SNX29: variants seen among roughly 807,000 people sequenced by gnomAD.
SNX29 encodes sorting nexin 29, also known as sorting nexin-29.
A neutral mutation model predicts 102.1 loss-of-function variants in SNX29; 78 were observed. The ratio of observed to expected loss-of-function variants is 0.76; its 90% CI spans 0.64 to 0.92. The LOEUF (loss-of-function observed/expected upper bound fraction) is 0.92. Ranked by LOEUF, SNX29 falls within the 40% of genes least tolerant of loss-of-function variation. The pLI, the probability that SNX29 is intolerant of heterozygous loss-of-function variation, is 0.00. For synonymous variants in SNX29, 580 were observed against 414.5 expected (o/e 1.40, Z -4.85); for missense variants, 1,280 against 1,061.7 (o/e 1.21, Z -2.86).
At chr16:12,329,595 T>C (rs2081234339) in intron 15 of SNX29, among the ~76,000 whole-genome samples, 1 of 152,226 alleles carries the variant, frequency 6.6e-6, no homozygotes, top group Admixed American at 6.5e-5. Flanking sequence ...TGGAGAGTGA[T>C]TTGTACCCCA....
intron 13 of SNX29, among the ~76,000 whole-genome samples, chr16:12,184,819 C>T (rs746659720): frequency 7.2e-5 from 11 of 152,240 alleles, no homozygotes; most frequent in Non-Finnish European, 1.5e-4. Context: ...AGACTAGCAG[C>T]AGTGACAGAC....
intron 16 of SNX29, among the ~76,000 whole-genome samples, chr16:12,382,599 T>TA (rs1368423191): frequency 6.6e-6 from 1 of 152,230 alleles, no homozygotes; most frequent in East Asian, 1.9e-4. Flanking sequence ...GTTAGTTTCT[T>TA]AGAGCTGCTG....
At position 12,483,114 on chromosome 16, in the gene SNX29, G is replaced by GTTTTTGTTTTT. The variant is rs71139598; in HGVS notation, c.2178+5260_2178+5261insGTTTTTTTTTT. 3.4e-3 allele frequency among the ~76,000 whole-genome samples: 228 copies of GTTTTTGTTTTT among 66,212 alleles called. 29 individuals carry two copies. Among genetic ancestry groups the GTTTTTGTTTTT allele is most frequent in the Middle Eastern group, 0.012 (1 of 82 alleles). The allele number at this position is 66,212 out of a possible 152,430, so 43.4% of individuals were successfully genotyped here. On this transcript the variant is annotated intron_variant, in intron 19 of 20. Transcript: ENST00000566228. The stretch of plus-strand genomic sequence containing the variant: ...AATAGATACATATTGAAGTTATTAA[G>GTTTTTGTTTTT]TTTTTTTTTTTTTTTTTTTTTTTTT...
intron 1 of SNX29, among the ~76,000 whole-genome samples, chr16:11,986,582 C>T (rs545985632): frequency 8.5e-5 from 13 of 152,296 alleles, no homozygotes; most frequent in South Asian, 4.1e-4. Flanking sequence ...CATGATAGCA[C>T]TTATCCACGT....
intron 17 of SNX29, among the ~76,000 whole-genome samples, chr16:12,398,792 A>G (rs1013503718): frequency 6.6e-6 from 1 of 151,990 alleles, no homozygotes; most frequent in African/African-American, 2.4e-5. Flanking sequence ...TTTAAAAATG[A>G]GACGCTTGTC....
intron 11 of SNX29, among the ~76,000 whole-genome samples, chr16:12,091,367 TGTG>T (rs898638786): frequency 3.3e-5 from 5 of 152,168 alleles, no homozygotes; most frequent in African/African-American, 1.2e-4. Flanking sequence ...TGAATGTTTG[TGTG>T]CCCCTAAAAT....
intron 14 of SNX29, among the ~76,000 whole-genome samples, chr16:12,246,456 T>C (rs2078262011): frequency 6.6e-6 from 1 of 152,000 alleles, no homozygotes; most frequent in Non-Finnish European, 1.5e-5. Flanking sequence ...GCCTGGCCAA[T>C]GTGGTGAAAC....
chr16:12,456,455 G>C (rs951536174), intron 18 of SNX29, among the ~76,000 whole-genome samples: 2 of 152,188 alleles, frequency 1.3e-5, no homozygotes, highest in African/African-American at 4.8e-5. Flanking sequence ...AATGATGGTA[G>C]AGGATAGTTT....
At chr16:12,469,826 C>G (rs1213481539) in intron 18 of SNX29, among the ~76,000 whole-genome samples, 5 of 152,146 alleles carry the variant, frequency 3.3e-5, no homozygotes, top group African/African-American at 9.7e-5. Context: ...GCCTGGCCAA[C>G]ATGGTGAAAC....
chr16:12,530,308 A>G (rs1162788942), intron 20 of SNX29, among the ~76,000 whole-genome samples: 1 of 152,224 alleles, frequency 6.6e-6, no homozygotes, highest in African/African-American at 2.4e-5. Flanking sequence ...TTGTACCAAC[A>G]GACAGGGAGC....
intron 1 of SNX29, among the ~76,000 whole-genome samples, chr16:11,996,747 T>C (rs2056088472): frequency 1.3e-5 from 2 of 152,136 alleles, no homozygotes; most frequent in Admixed American, 1.3e-4. Context: ...ATCCAAACCC[T>C]GGATTCTGAA....
chr16:12,251,669 C>T (rs866585236), intron 14 of SNX29, among the ~76,000 whole-genome samples: 25 of 152,302 alleles, frequency 1.6e-4, no homozygotes, highest in African/African-American at 6.0e-4. Context: ...TGCCATTGCA[C>T]TCCAGCCTGG....
At chr16:12,067,828 A>G (rs1020271275) in intron 9 of SNX29, among the ~76,000 whole-genome samples, 13 of 152,134 alleles carry the variant, frequency 8.5e-5, no homozygotes, top group South Asian at 2.1e-4. Flanking sequence ...CCTGGGTGAT[A>G]CTGGCCTTAA....
intron 4 of SNX29, among the ~76,000 whole-genome samples, chr16:12,040,626 T>C (rs186982400): frequency 1.2e-4 from 19 of 152,336 alleles, no homozygotes. Context: ...TGTTCTTTAC[T>C]GTACAGAGGG....
intron 16 of SNX29, among the ~76,000 whole-genome samples, chr16:12,395,883 G>A (rs1020242199): frequency 6.6e-6 from 1 of 152,230 alleles, no homozygotes; most frequent in African/African-American, 2.4e-5. Context: ...AGCAAGAAAA[G>A]ACAAAATTTG....
At chr16:12,406,032 C>CAAA (rs68009685) in intron 18 of SNX29, among the ~76,000 whole-genome samples, 3 of 141,426 alleles carry the variant, frequency 2.1e-5, no homozygotes, top group Non-Finnish European at 3.1e-5. Context: ...GACTCTGCCT[C>CAAA]AAAAAAAGAA....
At chr16:12,443,177 T>C (rs1423866220) in intron 18 of SNX29, 1 of 372,832 alleles carries the variant, frequency 2.7e-6, no homozygotes, top group Non-Finnish European at 5.3e-6. Flanking sequence ...GTCATGCTCC[T>C]TCCTATGGAA....
chr16:12,557,016 C>CACCA lies in SNX29; in HGVS notation c.2319-11490_2319-11489insACCA, dbSNP rs1555458246. ...GTACACACCACATCTGGCTAATTTA[C>CACCA]CCCCCCCCCGCCCCAAGATGAGGTC... On this transcript the variant is annotated intron_variant, in intron 20 of 20. Coordinates refer to ENST00000566228, the MANE Select transcript of SNX29 (RefSeq NM_032167.5). 3.3e-4 allele frequency among the ~76,000 whole-genome samples: 4 copies of CACCA among 11,962 alleles called. 1 individual carries two copies. In the East Asian group the frequency reaches 8.4e-3, roughly 25 times the overall value. The allele number at this position is 11,962 out of a possible 152,430, so 7.8% of individuals were successfully genotyped here.
intron 15 of SNX29, among the ~76,000 whole-genome samples, chr16:12,283,050 TA>T (rs1015236306): frequency 1.3e-5 from 2 of 152,200 alleles, no homozygotes; most frequent in Non-Finnish European, 2.9e-5. Flanking sequence ...AGGCACACTT[TA>T]CTCTGGCCCT....
Sources: gnomAD v4.1 joint callset for allele counts (sites outside exome capture counted in the v4.1 genomes callset) on GRCh38, gnomAD v4.1.1 for gene constraint, MANE v1.5 for transcripts, NCBI Gene and HGNC (gene_info 2026-07-23, HGNC 2026-07-21) for gene names.